KIAA1328: variants seen among roughly 807,000 people sequenced by gnomAD.
The protein encoded by KIAA1328 is protein hinderin.
A neutral mutation model predicts 68.1 loss-of-function variants in KIAA1328; 52 were observed. The observed-to-expected ratio is 0.76, with a 90% CI of 0.61 to 0.96. The LOEUF is 0.96. Among genes scored for constraint, KIAA1328 ranks in the 40% least tolerant of loss-of-function variants. The pLI is 0.00. For synonymous variants in KIAA1328, 232 were observed against 239.4 expected (o/e 0.97, Z 0.28); for missense variants, 641 against 677.6 (o/e 0.95, Z 0.60).
intron 6 of KIAA1328, among the ~76,000 whole-genome samples, chr18:36,966,604 AG>A (rs1463422607): frequency 6.6e-6 from 1 of 152,228 alleles, no homozygotes; most frequent in Non-Finnish European, 1.5e-5. Flanking sequence ...CCACAAAAAA[AG>A]GTGATGGAAC....
intron 9 of KIAA1328, among the ~76,000 whole-genome samples, chr18:37,198,625 T>C (rs1323568927): frequency 6.6e-6 from 1 of 152,200 alleles, no homozygotes; most frequent in Non-Finnish European, 1.5e-5. Flanking sequence ...AGATATGCAT[T>C]ACTAAAAGGT....
intron 6 of KIAA1328, among the ~76,000 whole-genome samples, chr18:36,977,518 A>T (rs544543799): frequency 6.6e-6 from 1 of 152,248 alleles, no homozygotes; most frequent in Non-Finnish European, 1.5e-5. Flanking sequence ...CGATACTCTT[A>T]CATGTCTACT....
At chr18:36,927,915 G>A (rs2050178885) in intron 5 of KIAA1328, among the ~76,000 whole-genome samples, 1 of 152,088 alleles carries the variant, frequency 6.6e-6, no homozygotes, top group Non-Finnish European at 1.5e-5. Flanking sequence ...AGAAAGGGAA[G>A]AGAGAAGTTG....
intron 9 of KIAA1328, among the ~76,000 whole-genome samples, chr18:37,194,651 CT>C (rs879870278): frequency 4.0e-5 from 6 of 151,834 alleles, no homozygotes; most frequent in Non-Finnish European, 8.8e-5. Flanking sequence ...GTTATGGTTG[CT>C]TTGTTTTGTT....
At chr18:37,157,159 A>G (rs1344162072) in intron 7 of KIAA1328, among the ~76,000 whole-genome samples, 1 of 152,188 alleles carries the variant, frequency 6.6e-6, no homozygotes, top group Non-Finnish European at 1.5e-5. Flanking sequence ...CTTTAAAAAC[A>G]AGTTCTAGTC....
At chr18:37,107,328 G>A (rs778536235) in intron 7 of KIAA1328, among the ~76,000 whole-genome samples, 1 of 152,140 alleles carries the variant, frequency 6.6e-6, no homozygotes, top group Non-Finnish European at 1.5e-5. Flanking sequence ...TAAAACAAAT[G>A]AGAATAAATA....
At chr18:36,996,017 T>C (rs2053377569) in intron 6 of KIAA1328, among the ~76,000 whole-genome samples, 1 of 152,204 alleles carries the variant, frequency 6.6e-6, no homozygotes, top group Non-Finnish European at 1.5e-5. Context: ...CATTATCTTT[T>C]ATTAGTCCTC....
chr18:37,130,341 C>A (rs556771577), intron 7 of KIAA1328, among the ~76,000 whole-genome samples: 2 of 152,116 alleles, frequency 1.3e-5, no homozygotes, highest in Non-Finnish European at 2.9e-5. Context: ...CCTAGTCTGC[C>A]GGGCACGGTG....
intron 7 of KIAA1328, among the ~76,000 whole-genome samples, chr18:37,115,811 C>A (rs2058089296): frequency 6.6e-6 from 1 of 152,210 alleles, no homozygotes; most frequent in Admixed American, 6.5e-5. Context: ...GCAATTTCAG[C>A]AAAGTCTCAG....
intron 6 of KIAA1328, among the ~76,000 whole-genome samples, chr18:36,971,894 A>G (rs1034825530): frequency 1.3e-5 from 2 of 150,930 alleles, no homozygotes; most frequent in Admixed American, 6.6e-5. Context: ...GAAGAAAAAG[A>G]TAACTATGGG....
At chr18:37,089,058 G>C (rs1453998802) in intron 7 of KIAA1328, among the ~76,000 whole-genome samples, 1 of 151,844 alleles carries the variant, frequency 6.6e-6, no homozygotes, top group Non-Finnish European at 1.5e-5. Context: ...AGTACATAAT[G>C]GTTATTTATC....
chr18:36,981,241 C>T (rs2052673620), intron 6 of KIAA1328, among the ~76,000 whole-genome samples: 1 of 152,162 alleles, frequency 6.6e-6, no homozygotes, highest in Non-Finnish European at 1.5e-5. Context: ...CCTCTCCACA[C>T]TGATTCAACA....
chr18:36,861,184 A>G (rs139444199), intron 4 of KIAA1328, among the ~76,000 whole-genome samples: 1 of 152,158 alleles, frequency 6.6e-6, no homozygotes, highest in East Asian at 1.9e-4. Context: ...CCAAGTCTTG[A>G]CACTTTTGAA....
At chr18:36,979,919 T>G (rs1206984462) in intron 6 of KIAA1328, among the ~76,000 whole-genome samples, 1 of 152,032 alleles carries the variant, frequency 6.6e-6, no homozygotes, top group Non-Finnish European at 1.5e-5. Context: ...TATTGAGAGG[T>G]GGAGCTTAAT....
chr18:37,209,468 ATGTGTGTG>A, intron 9 of KIAA1328, among the ~76,000 whole-genome samples: 1 of 150,446 alleles, frequency 6.6e-6, no homozygotes, highest in East Asian at 1.9e-4. Context: ...TAATGTGTGT[ATGTGTGTG>A]TGTGTGTGTA....
intron 6 of KIAA1328, among the ~76,000 whole-genome samples, chr18:37,041,370 A>T (rs1383555100): frequency 6.6e-6 from 1 of 151,836 alleles, no homozygotes; most frequent in African/African-American, 2.4e-5. Context: ...TTTCTCTTTT[A>T]TTTACTATTT....
At chr18:36,885,715 G>T in intron 5 of KIAA1328, 43 bp downstream of exon 5, 1 of 1,292,936 alleles carries the variant, frequency 7.7e-7, no homozygotes, top group Non-Finnish European at 1.1e-6. Flanking sequence ...CAAGAAGTTT[G>T]ACTATTTCTT....
chr18:36,829,687 G>T (rs937139650), intron 1 of KIAA1328, among the ~76,000 whole-genome samples: 3 of 152,214 alleles, frequency 2.0e-5, no homozygotes, highest in African/African-American at 7.2e-5. Context: ...CTCCAGTGAT[G>T]ATGTATTTTA....
At chr18:36,880,335 TC>T (rs1364112886) in intron 4 of KIAA1328, among the ~76,000 whole-genome samples, 2 of 152,164 alleles carry the variant, frequency 1.3e-5, no homozygotes, top group African/African-American at 4.8e-5. Context: ...ATCCTTACCT[TC>T]CGTGGGCTGT....
Sources: allele counts gnomAD v4.1 joint callset (sites outside exome capture counted in the v4.1 genomes callset), GRCh38; gene constraint gnomAD v4.1.1; transcripts MANE v1.5; gene names NCBI Gene and HGNC (gene_info 2026-07-23, HGNC 2026-07-21).